Variants in FAM184B observed in about 807,000 individuals in gnomAD.
The protein encoded by FAM184B is family with sequence similarity 184 member B.
FAM184B carries 111 observed loss-of-function variants against 135.9 expected under a neutral mutation model. The observed-to-expected ratio is 0.82, with a 90% CI of 0.70 to 0.96. FAM184B has a LOEUF of 0.96. Ranked by LOEUF, FAM184B falls within the 40% of genes least tolerant of loss-of-function variation. The pLI, the probability that FAM184B is intolerant of heterozygous loss-of-function variation, is 0.00. For synonymous variants in FAM184B, 552 were observed against 524.8 expected (o/e 1.05, Z -0.71); for missense variants, 1,375 against 1,323.9 (o/e 1.04, Z -0.60).
At position 17,781,396 on chromosome 4, in the gene FAM184B, C is replaced by G; in HGVS notation, c.-97G>C. On this transcript the variant is annotated 5_prime_UTR_variant, in exon 1 of 18. Transcript: ENST00000265018. This position sits in a 1 kb window ranked among gnomAD's most constrained non-coding sequence, Gnocchi z 6.5. ...CGGGCGTGCGAGCGTGTGGGTTTCT[C>G]GGGAGAGGTGGCACTGCAGTCCCGT... 2 of 1,377,418 alleles carry G rather than the reference C, an allele frequency of 1.5e-6. No individual in the cohort carries two copies. Among genetic ancestry groups the G allele is most frequent in the Non-Finnish European group, 1.9e-6 (2 of 1,057,422 alleles). 85.3% of individuals were successfully genotyped at this position (1,377,418 alleles called of 1,614,324 possible). A position where few individuals can be genotyped will look rare whatever the true frequency, so the allele number is the denominator to read the frequency against.
chr4:17,716,706 A>G (rs1389066228), intron 1 of FAM184B, among the ~76,000 whole-genome samples: 3 of 152,070 alleles, frequency 2.0e-5, no homozygotes, highest in African/African-American at 7.2e-5. Flanking sequence ...CCTGTCCCTC[A>G]TGGTCAATCA....
At chr4:17,754,111 G>T (rs1036984168) in intron 1 of FAM184B, among the ~76,000 whole-genome samples, 4 of 152,140 alleles carry the variant, frequency 2.6e-5, no homozygotes, top group Admixed American at 2.6e-4. Context: ...GTCTAAAATG[G>T]TTACTTTAGC....
chr4:17,745,609 C>T (rs752683400), intron 1 of FAM184B, among the ~76,000 whole-genome samples: 5 of 152,230 alleles, frequency 3.3e-5, no homozygotes, highest in Non-Finnish European at 5.9e-5. Context: ...TGCAGACCTG[C>T]ACCTCCATCA....
chr4:17,637,316 C>T (rs139476583), intron 14 of FAM184B, among the ~76,000 whole-genome samples: 91 of 152,346 alleles, frequency 6.0e-4, no homozygotes, highest in Admixed American at 2.0e-3. Flanking sequence ...CGTGGGCCAC[C>T]GCGCCCGGCC....
intron 1 of FAM184B, among the ~76,000 whole-genome samples, chr4:17,767,440 C>G (rs1364477641): frequency 2.0e-5 from 3 of 152,162 alleles, no homozygotes; most frequent in African/African-American, 7.2e-5. Context: ...TCAATAAAGG[C>G]AAATTGCTAA....
At chr4:17,765,148 G>T (rs1212176499) in intron 1 of FAM184B, among the ~76,000 whole-genome samples, 1 of 152,216 alleles carries the variant, frequency 6.6e-6, no homozygotes, top group African/African-American at 2.4e-5. Flanking sequence ...TGGATGGTGG[G>T]AGGAGAAAGT....
chr4:17,652,300 A>AT (rs1454630240), intron 11 of FAM184B, among the ~76,000 whole-genome samples: 1 of 151,404 alleles, frequency 6.6e-6, no homozygotes, highest in Non-Finnish European at 1.5e-5. Context: ...AATTTTTTGT[A>AT]TTTTTAGTAG....
At chr4:17,773,536 T>C (rs1182036494) in intron 1 of FAM184B, among the ~76,000 whole-genome samples, 1 of 152,190 alleles carries the variant, frequency 6.6e-6, no homozygotes, top group Non-Finnish European at 1.5e-5. Flanking sequence ...CTCCTGTGTG[T>C]GGTCTGGGTT....
intron 10 of FAM184B, among the ~76,000 whole-genome samples, chr4:17,657,806 G>A (rs972153752): frequency 1.3e-5 from 2 of 151,892 alleles, no homozygotes; most frequent in African/African-American, 4.8e-5. Context: ...ACAGGCACCT[G>A]CCACCACGCC....
At chr4:17,659,610 C>T (rs900988169) in intron 9 of FAM184B, among the ~76,000 whole-genome samples, 1 of 152,118 alleles carries the variant, frequency 6.6e-6, no homozygotes, top group Non-Finnish European at 1.5e-5. Flanking sequence ...CCTCAGCCTC[C>T]CGAGTAGCTG....
chr4:17,691,781 A>C (rs999636881), intron 6 of FAM184B, among the ~76,000 whole-genome samples: 1 of 152,000 alleles, frequency 6.6e-6, no homozygotes, highest in Non-Finnish European at 1.5e-5. Flanking sequence ...TGTTATTCAA[A>C]AGAATGACTG....
At chr4:17,743,263 G>T (rs1349281590) in intron 1 of FAM184B, among the ~76,000 whole-genome samples, 1 of 152,224 alleles carries the variant, frequency 6.6e-6, no homozygotes, top group Non-Finnish European at 1.5e-5. Context: ...CTGGGATGGG[G>T]GTGGGGAGAG....
chr4:17,662,261 G>A (rs1339562844), intron 8 of FAM184B, among the ~76,000 whole-genome samples: 3 of 152,100 alleles, frequency 2.0e-5, no homozygotes, highest in Non-Finnish European at 4.4e-5. Context: ...TAGACATTTG[G>A]ATTGTTTACG....
intron 5 of FAM184B, among the ~76,000 whole-genome samples, chr4:17,701,757 G>A (rs921734801): frequency 1.3e-5 from 2 of 152,182 alleles, no homozygotes; most frequent in African/African-American, 4.8e-5. Context: ...CTGACCAACC[G>A]AACTTTCTGT....
intron 1 of FAM184B, among the ~76,000 whole-genome samples, chr4:17,726,074 C>T (rs546202593): frequency 1.4e-4 from 22 of 152,106 alleles, no homozygotes; most frequent in Non-Finnish European, 2.6e-4. Context: ...CAGGCACCCG[C>T]CACCACGCCC....
At chr4:17,755,128 G>T (rs1718389583) in intron 1 of FAM184B, among the ~76,000 whole-genome samples, 1 of 152,026 alleles carries the variant, frequency 6.6e-6, no homozygotes, top group Admixed American at 6.6e-5. Flanking sequence ...CAAAGTATTG[G>T]AATTACAAGT....
At chr4:17,634,868 A>G in intron 16 of FAM184B, 141 bp downstream of exon 16, 1 of 558,884 alleles carries the variant, frequency 1.8e-6, no homozygotes, top group Non-Finnish European at 3.1e-6. Flanking sequence ...GCCCAGCCAT[A>G]GATATAAACA....
At position 17,629,644 on chromosome 4, in the gene FAM184B, T is replaced by TTCCCTC. The variant is rs1358080804; in HGVS notation, c.*2887_*2888insGAGGGA. ...AGATTTACCATTAAATACTGTTTTT[T>TTCCCTC]TCTCTCTCTTAACTTAATCCCGAAT... On this transcript the variant is annotated 3_prime_UTR_variant, in exon 18 of 18. Coordinates refer to ENST00000265018, the MANE Select transcript of FAM184B (RefSeq NM_015688.2). 6.6e-6 allele frequency: 1 copy of TTCCCTC among 152,216 alleles called. No individual in the cohort carries two copies. Among genetic ancestry groups the TTCCCTC allele is most frequent in the Non-Finnish European group, 1.5e-5 (1 of 68,038 alleles). 9.4% of individuals were successfully genotyped at this position (152,216 alleles called of 1,614,324 possible).
intron 1 of FAM184B, among the ~76,000 whole-genome samples, chr4:17,751,867 A>ACACACACACACACACAC (rs1491120270): frequency 2.3e-4 from 34 of 149,478 alleles, no homozygotes; most frequent in Non-Finnish European, 2.8e-4. Flanking sequence ...ACACACACAC[A>ACACACACACACACACAC]AAAGAACCAG....
Sources: allele counts gnomAD v4.1 joint callset (sites outside exome capture counted in the v4.1 genomes callset), GRCh38; gene constraint gnomAD v4.1.1; non-coding constraint Gnocchi (gnomAD v3.1); transcripts MANE v1.5; gene names NCBI Gene and HGNC (gene_info 2026-07-23, HGNC 2026-07-21).